Variants in RCOR1 observed in about 807,000 individuals in gnomAD.
RCOR1 encodes REST corepressor.
In RCOR1, 12 loss-of-function variants were observed where a neutral mutation model predicts 64.0. That is an observed-to-expected ratio of 0.19 (90% CI 0.12 to 0.30). RCOR1 has a LOEUF of 0.30. Ranked by LOEUF, RCOR1 falls within the 10% of genes least tolerant of loss-of-function variation. RCOR1 has a pLI of 1.00. For synonymous variants in RCOR1, 279 were observed against 227.2 expected, an observed-to-expected ratio of 1.23 and a Z score of -2.05; for missense variants, 502 against 621.2, an observed-to-expected ratio of 0.81 and a Z score of 2.04.
chr14:102,715,929 T>C (rs1162788675), intron 8 of RCOR1, among the ~76,000 whole-genome samples: 1 of 152,158 alleles, frequency 6.6e-6, no homozygotes, highest in Admixed American at 6.5e-5. Context: ...TCCCTGGTCT[T>C]GACCCAGTAG....
At chr14:102,693,577 C>T (rs1212637574) in intron 3 of RCOR1, among the ~76,000 whole-genome samples, 3 of 151,404 alleles carry the variant, frequency 2.0e-5, no homozygotes, top group Non-Finnish European at 4.4e-5. Flanking sequence ...AACTCCCTCT[C>T]ACAGGCAGGA....
Position 102,721,179 on chromosome 14 carries a change from T to C in RCOR1, c.1131+95T>C, listed in dbSNP as rs1354182525. 2.9e-6 allele frequency: 3 copies of C among 1,045,284 alleles called. No individual in the cohort carries two copies. The African/African-American group carries it at 4.8e-5, about 17-fold the overall frequency. 64.8% of individuals were successfully genotyped at this position (1,045,284 alleles called of 1,614,324 possible). On this transcript the variant is annotated intron_variant, in intron 9 of 11. Transcript: ENST00000262241. ...GTGATACATCCCCAGTATACATCTCTTGGAAGAGTATATGGACATAATTTT... is the reference window on the plus strand; with the variant it reads ...GTGATACATCCCCAGTATACATCTCCTGGAAGAGTATATGGACATAATTTT...
intron 2 of RCOR1, among the ~76,000 whole-genome samples, chr14:102,665,678 C>T (rs949376080): frequency 2.6e-5 from 4 of 152,138 alleles, no homozygotes; most frequent in Non-Finnish European, 5.9e-5. Flanking sequence ...GGATACAAGT[C>T]CACCATGGGA....
intron 2 of RCOR1, among the ~76,000 whole-genome samples, chr14:102,647,807 T>A (rs1415149318): frequency 6.6e-6 from 1 of 152,130 alleles, no homozygotes; most frequent in East Asian, 1.9e-4. Context: ...GCCTCCTAAG[T>A]AGTTGGGACT....
intron 2 of RCOR1, among the ~76,000 whole-genome samples, chr14:102,660,816 G>A: frequency 6.6e-6 from 1 of 152,152 alleles, no homozygotes; most frequent in Non-Finnish European, 1.5e-5. Flanking sequence ...AGATTGCATG[G>A]TAATTTTCAT....
intron 3 of RCOR1, among the ~76,000 whole-genome samples, chr14:102,693,429 T>C (rs1218610018): frequency 6.6e-6 from 1 of 152,218 alleles, no homozygotes; most frequent in Non-Finnish European, 1.5e-5. Flanking sequence ...GATCACTGTG[T>C]TGCAACTTAC....
intron 2 of RCOR1, among the ~76,000 whole-genome samples, chr14:102,650,125 G>C (rs1894554819): frequency 6.6e-6 from 1 of 151,158 alleles, no homozygotes; most frequent in East Asian, 2.0e-4. Context: ...GTGAACCTGG[G>C]AGGTGCAGCT....
chr14:102,676,613 G>T (rs1403902732), intron 2 of RCOR1, among the ~76,000 whole-genome samples: 1 of 90,338 alleles, frequency 1.1e-5, no homozygotes. Flanking sequence ...CCCGGACGGG[G>T]CGGCTGGCCA....
rs956230546 is a variant in RCOR1 at position 102,721,573 on chromosome 14, T to A, written c.1189+196T>A. The stretch of plus-strand genomic sequence containing the variant: ...CTTTAAAAAAAAAAAATTTTTTTTT[T>A]AATGGAAAAAAAAGAGCTTAGGAGC... On this transcript the variant is annotated intron_variant, in intron 10 of 11. Coordinates refer to ENST00000262241, the MANE Select transcript of RCOR1 (RefSeq NM_015156.4). 4 of 393,916 alleles carry A rather than the reference T, an allele frequency of 1.0e-5. No homozygotes were observed. The East Asian group carries it at 1.5e-4, about 15-fold the overall frequency. 24.4% of individuals were successfully genotyped at this position (393,916 alleles called of 1,614,324 possible).
intron 2 of RCOR1, among the ~76,000 whole-genome samples, chr14:102,680,311 G>A (rs191723510): frequency 2.0e-5 from 3 of 151,980 alleles, no homozygotes; most frequent in Admixed American, 6.5e-5. Flanking sequence ...ACAGATAATC[G>A]TGCAGTTTTG....
intron 2 of RCOR1, among the ~76,000 whole-genome samples, chr14:102,616,738 T>C (rs114572226): frequency 2.0e-4 from 31 of 152,272 alleles, no homozygotes; most frequent in African/African-American, 7.2e-4. Flanking sequence ...ATCCCCCATG[T>C]GTTTGGCTCC....
At chr14:102,673,334 AT>A (rs34576884) in intron 2 of RCOR1, among the ~76,000 whole-genome samples, 4,811 of 127,486 alleles carry the variant, frequency 0.038, 174 homozygotes, top group African/African-American at 0.11. Context: ...CCAATCCCTG[AT>A]TTTTTTTTTT....
At chr14:102,661,231 C>G (rs1894818249) in intron 2 of RCOR1, among the ~76,000 whole-genome samples, 1 of 152,100 alleles carries the variant, frequency 6.6e-6, no homozygotes, top group South Asian at 2.1e-4. Context: ...ACCTGTAGTC[C>G]TAGCTACTTG....
At position 102,681,963 on chromosome 14, in the gene RCOR1, C is replaced by G. The variant is rs756613086; in HGVS notation, c.430C>G (p.Leu144Val). Residue 144 changes from leucine to valine, a missense_variant, in exon 3 of 12, where the codon CTG becomes GTG. Physicochemically the swap from Leu to Val is conservative, Grantham distance 32 (BLOSUM62 1). This residue lies in a region of RCOR1 where 242 missense variants were observed against 204.9 expected (regional missense o/e 1.18). Transcript: ENST00000262241. ...GMLVWSPNQNLSEAKLDEYIA... is the reference protein window; with the variant it reads ...GMLVWSPNQNVSEAKLDEYIA... ...GTTGGTCTGGTCACCCAATCAAAATCTGTCAGAAGCAAAGTGTAAGTCTTG... is the reference window on the plus strand; with the variant it reads ...GTTGGTCTGGTCACCCAATCAAAATGTGTCAGAAGCAAAGTGTAAGTCTTG... 1.2e-6 allele frequency: 2 copies of G among 1,612,880 alleles called. No individual in the cohort carries two copies. The highest frequency in any genetic ancestry group is 1.7e-6 in the Non-Finnish European group (2 of 1,178,890).
chr14:102,709,525 A>G (rs1177009351), intron 6 of RCOR1, among the ~76,000 whole-genome samples: 1 of 152,246 alleles, frequency 6.6e-6, no homozygotes, highest in Non-Finnish European at 1.5e-5. Context: ...CAAATGAAAG[A>G]GTAACATGTG....
At chr14:102,593,348 C>G in intron 2 of RCOR1, 23 bp downstream of exon 2, 4 of 1,522,378 alleles carry the variant, frequency 2.6e-6, no homozygotes, top group South Asian at 2.4e-5. Flanking sequence ...CCCGGCCGGC[C>G]GGCGGCGGGG....
intron 2 of RCOR1, among the ~76,000 whole-genome samples, chr14:102,602,705 C>T (rs1054715203): frequency 2.6e-5 from 4 of 152,020 alleles, no homozygotes; most frequent in African/African-American, 9.7e-5. Flanking sequence ...CTGTGCCTGG[C>T]CTCTTCTTTC....
At chr14:102,661,221 A>G (rs1197271151) in intron 2 of RCOR1, among the ~76,000 whole-genome samples, 1 of 152,130 alleles carries the variant, frequency 6.6e-6, no homozygotes. Flanking sequence ...GATGGTGGGT[A>G]CCTGTAGTCC....
chr14:102,656,951 T>G (rs183480969), intron 2 of RCOR1: 2 of 281,002 alleles, frequency 7.1e-6, no homozygotes, highest in African/African-American at 2.3e-5. Flanking sequence ...CATTTTTGTA[T>G]TTTTAGTAGA....
Sources: allele counts gnomAD v4.1 joint callset (sites outside exome capture counted in the v4.1 genomes callset), GRCh38; gene constraint gnomAD v4.1.1; regional missense constraint gnomAD v4.1.1; transcripts MANE v1.5; gene names NCBI Gene and HGNC (gene_info 2026-07-23, HGNC 2026-07-21).